Variants in WDR72 observed in about 807,000 individuals in gnomAD.
The protein encoded by WDR72 is WD repeat-containing protein 72.
Under a neutral mutation model 124.2 loss-of-function variants are expected in WDR72, and 120 were observed. The observed-to-expected ratio is 0.97, with a 90% CI of 0.83 to 1.12. The LOEUF (loss-of-function observed/expected upper bound fraction) is 1.12. WDR72 is among the 50% of genes most tolerant of loss of function. The pLI is 0.00. For missense variants in WDR72, 1,387 were observed against 1,278.8 expected (o/e 1.08, Z -1.29); for synonymous variants, 452 against 441.7 (o/e 1.02, Z -0.29).
At chr15:53,722,187 C>T (rs1477802608) in intron 3 of WDR72, among the ~76,000 whole-genome samples, 3 of 152,010 alleles carry the variant, frequency 2.0e-5, no homozygotes, top group Admixed American at 1.3e-4. Flanking sequence ...GCATGCATCA[C>T]CATGCCCAGG....
chr15:53,711,018 C>T (rs2017520721), intron 8 of WDR72, 65 bp from the exon 9 acceptor site: 3 of 1,376,946 alleles, frequency 2.2e-6, no homozygotes, highest in South Asian at 2.4e-5. Flanking sequence ...TTTTTTCCCC[C>T]TCCCACTTTC....
rs147337427 is a variant in WDR72 at position 53,518,934 on chromosome 15, TAATGGCAG to T, written c.3254-1188_3254-1181del. On this transcript the variant is annotated intron_variant, in intron 19 of 19. Coordinates refer to ENST00000360509, the MANE Select transcript of WDR72 (RefSeq NM_182758.4). ...TATAAAAACCACAAAAATGTTCTAT[TAATGGCAG>T]AATGCATACTGATTATAAACTACTT... Among the ~76,000 whole-genome samples, 1,018 of 152,156 alleles carry T rather than the reference TAATGGCAG, an allele frequency of 6.7e-3. 18 individuals are homozygous for T. In the East Asian group the frequency reaches 0.07, roughly 10 times the overall value.
chr15:53,706,355 T>TAA (rs2017366092), intron 9 of WDR72, among the ~76,000 whole-genome samples: 1 of 30,102 alleles, frequency 3.3e-5, no homozygotes, highest in Admixed American at 3.5e-4. Flanking sequence ...TGTGTGTATA[T>TAA]ATATATATAT....
intron 1 of WDR72, among the ~76,000 whole-genome samples, chr15:53,741,640 C>T (rs779502542): frequency 1.3e-5 from 2 of 152,072 alleles, no homozygotes; most frequent in Non-Finnish European, 2.9e-5. Flanking sequence ...TACTCATAAA[C>T]TCCCATAGGA....
At chr15:53,705,596 G>A (rs2017329105) in intron 10 of WDR72, among the ~76,000 whole-genome samples, 1 of 152,106 alleles carries the variant, frequency 6.6e-6, no homozygotes, top group South Asian at 2.1e-4. Context: ...CTGAGTAGCT[G>A]GGATTACAGG....
rs941029695 is a variant in WDR72, at chr15:53,527,229, A to G, written c.3149-3907T>C. Among the ~76,000 whole-genome samples the G allele has an allele frequency of 2.0e-5, 3 of 152,104 alleles. 1 individual carries two copies. Among genetic ancestry groups the G allele is most frequent in the Non-Finnish European group, 4.4e-5 (3 of 67,970 alleles). On this transcript the variant is annotated intron_variant, in intron 18 of 19. Coordinates refer to ENST00000360509, the MANE Select transcript of WDR72 (RefSeq NM_182758.4). The stretch of plus-strand genomic sequence containing the variant: ...TTGTTGTTAAAATTAGAAAAGTGGT[A>G]GCAGGGCCATCGGTGATAATACTCC...
At chr15:53,753,461 G>C (rs958130768) in intron 1 of WDR72, among the ~76,000 whole-genome samples, 4 of 152,220 alleles carry the variant, frequency 2.6e-5, no homozygotes, top group Non-Finnish European at 5.9e-5. Context: ...TCATCAGCAA[G>C]GCTATGAATG....
At chr15:53,519,620 G>A (rs1172621779) in intron 19 of WDR72, among the ~76,000 whole-genome samples, 2 of 152,060 alleles carry the variant, frequency 1.3e-5, no homozygotes, top group Non-Finnish European at 2.9e-5. Context: ...TTCCCTATCA[G>A]ACAAGACCTC....
chr15:53,591,412 C>T (rs1187082273), intron 18 of WDR72, among the ~76,000 whole-genome samples: 1 of 151,902 alleles, frequency 6.6e-6, no homozygotes, highest in Non-Finnish European at 1.5e-5. Flanking sequence ...CATATCAAAT[C>T]GCCAACACTC....
At chr15:53,546,520 G>A (rs967017461) in intron 18 of WDR72, among the ~76,000 whole-genome samples, 5 of 151,352 alleles carry the variant, frequency 3.3e-5, no homozygotes, top group East Asian at 3.9e-4. Context: ...GTGGTGGGGT[G>A]GGGGGAGAGG....
chr15:53,626,913 C>T (rs1278595697), intron 14 of WDR72, among the ~76,000 whole-genome samples: 2 of 152,200 alleles, frequency 1.3e-5, no homozygotes, highest in Non-Finnish European at 2.9e-5. Flanking sequence ...CTGCCCTCAT[C>T]TTCTCACTTT....
chr15:53,557,463 A>G (rs1005484189), intron 18 of WDR72, among the ~76,000 whole-genome samples: 2 of 152,098 alleles, frequency 1.3e-5, no homozygotes, highest in Non-Finnish European at 2.9e-5. Context: ...CACCACATTC[A>G]AAAAGATTAT....
At chr15:53,693,229 G>T (rs1248765684) in intron 13 of WDR72, among the ~76,000 whole-genome samples, 2 of 152,172 alleles carry the variant, frequency 1.3e-5, no homozygotes, top group Non-Finnish European at 2.9e-5. Context: ...TATGGGAATA[G>T]TAGATGTTGT....
Position 53,547,196 on chromosome 15 carries a change from C to T in WDR72, c.3149-23874G>A, listed in dbSNP as rs77671505. Among the ~76,000 whole-genome samples the T allele has an allele frequency of 7.7e-3, 1,174 of 152,310 alleles. 13 individuals carry two copies. Among genetic ancestry groups the T allele is most frequent in the African/African-American group, 0.027 (1,141 of 41,562 alleles). ...ATTGAGTTGAACATATTTACCAATG[C>T]AATTAAGCCAAATGGAAACACCAAG... On this transcript the variant is annotated intron_variant, in intron 18 of 19. Transcript: ENST00000360509.
chr15:53,703,397 G>A (rs1268940594), intron 11 of WDR72, among the ~76,000 whole-genome samples: 1 of 151,900 alleles, frequency 6.6e-6, no homozygotes, highest in Non-Finnish European at 1.5e-5. Context: ...AAAGCAAAAT[G>A]TTTAAGAGTA....
chr15:53,607,156 T>G (rs1018755207), intron 17 of WDR72, among the ~76,000 whole-genome samples: 1 of 152,110 alleles, frequency 6.6e-6, no homozygotes, highest in Non-Finnish European at 1.5e-5. Context: ...TGCTAAAATT[T>G]TGAGACCAAA....
intron 18 of WDR72, among the ~76,000 whole-genome samples, chr15:53,524,868 G>GT (rs1337890393): frequency 6.6e-6 from 1 of 152,068 alleles, no homozygotes; most frequent in Admixed American, 6.6e-5. Flanking sequence ...GCCATAGAAG[G>GT]TATTCTTGAA....
intron 14 of WDR72, among the ~76,000 whole-genome samples, chr15:53,627,210 TTTTA>T (rs2014246015): frequency 6.6e-6 from 1 of 152,196 alleles, no homozygotes; most frequent in African/African-American, 2.4e-5. Context: ...AAATAATATT[TTTTA>T]TTTATTATTT....
chr15:53,603,936 T>C (rs1207482621), intron 17 of WDR72, among the ~76,000 whole-genome samples: 2 of 152,088 alleles, frequency 1.3e-5, no homozygotes, highest in Non-Finnish European at 2.9e-5. Context: ...TTGCTATTCA[T>C]ATCAAGCTAT....
Sources: gnomAD v4.1 joint callset for allele counts (sites outside exome capture counted in the v4.1 genomes callset) on GRCh38, gnomAD v4.1.1 for gene constraint, MANE v1.5 for transcripts, NCBI Gene and HGNC (gene_info 2026-07-23, HGNC 2026-07-21) for gene names.